The following SLC24A4 variants were observed in gnomAD, a reference collection of about 807,000 sequenced individuals.
SLC24A4 encodes sodium/potassium/calcium exchanger 4.
SLC24A4 carries 53 observed loss-of-function variants against 79.0 expected under a neutral mutation model. That is an observed-to-expected ratio of 0.67 (90% CI 0.54 to 0.84). The LOEUF (loss-of-function observed/expected upper bound fraction) is 0.84, where lower values mean the gene tolerates loss of function less well. Among genes scored for constraint, SLC24A4 ranks in the 40% least tolerant of loss-of-function variants. SLC24A4 has a pLI of 0.00. For synonymous variants in SLC24A4, 323 were observed against 323.8 expected (o/e 1.00, Z 0.03); for missense variants, 731 against 822.0 (o/e 0.89, Z 1.35).
chr14:92,483,809 TGG>T (rs1345385335), intron 13 of SLC24A4: 2 of 1,289,902 alleles, frequency 1.6e-6, no homozygotes, highest in South Asian at 2.5e-5. Context: ...TACACCCTAG[TGG>T]TTAACATCGA....
At chr14:92,435,265 A>G (rs1892103627) in intron 3 of SLC24A4, among the ~76,000 whole-genome samples, 1 of 152,240 alleles carries the variant, frequency 6.6e-6, no homozygotes, top group Non-Finnish European at 1.5e-5. Context: ...AACCTAAGTT[A>G]CAAGTCACTC....
intron 12 of SLC24A4, among the ~76,000 whole-genome samples, chr14:92,481,179 G>A (rs529082562): frequency 6.6e-6 from 1 of 152,204 alleles, no homozygotes; most frequent in Non-Finnish European, 1.5e-5. Flanking sequence ...GCAGTCTCGA[G>A]TCTTTCCTGA....
At chr14:92,450,180 C>T (rs2139833283) in intron 10 of SLC24A4, 1 of 152,456 alleles carries the variant, frequency 6.6e-6, no homozygotes, top group South Asian at 2.1e-4. Flanking sequence ...GGCTAATCAC[C>T]TCCTCTTTTA....
chr14:92,380,614 A>G (rs1888789515), intron 2 of SLC24A4, among the ~76,000 whole-genome samples: 1 of 152,254 alleles, frequency 6.6e-6, no homozygotes, highest in Non-Finnish European at 1.5e-5. Flanking sequence ...CACTGCCTTC[A>G]TGGGACCCTG....
Position 92,501,371 on chromosome 14 carries a change from A to G in SLC24A4, c.*7743A>G, listed in dbSNP as rs961045683. The G allele has an allele frequency of 1.1e-4, 16 of 152,250 alleles. No individual in the cohort carries two copies. Among genetic ancestry groups the G allele is most frequent in the Non-Finnish European group, 1.8e-4 (12 of 68,054 alleles). 9.4% of individuals were successfully genotyped at this position (152,250 alleles called of 1,614,324 possible). On this transcript the variant is annotated 3_prime_UTR_variant, in exon 17 of 17. Transcript: ENST00000532405. ...TGGCATGAGTTTATTTTTATTGTGAAGAAAAAAATCTACAGCAATCTAAAC... is the reference window on the plus strand; with the variant it reads ...TGGCATGAGTTTATTTTTATTGTGAGGAAAAAAATCTACAGCAATCTAAAC...
chr14:92,381,629 A>G (rs1399483159), intron 2 of SLC24A4, among the ~76,000 whole-genome samples: 1 of 152,158 alleles, frequency 6.6e-6, no homozygotes, highest in Non-Finnish European at 1.5e-5. Flanking sequence ...TTAAGGAGAA[A>G]AAAAGAATTT....
At chr14:92,443,508 G>A (rs142784569) in intron 7 of SLC24A4, 34 bp downstream of exon 7, 2 of 1,610,884 alleles carry the variant, frequency 1.2e-6, no homozygotes, top group African/African-American at 1.3e-5. Flanking sequence ...GGTCAGGTTG[G>A]CTGGGACCCT....
intron 2 of SLC24A4, among the ~76,000 whole-genome samples, chr14:92,355,611 T>A (rs1887135881): frequency 6.6e-6 from 1 of 152,170 alleles, no homozygotes; most frequent in Admixed American, 6.5e-5. Context: ...AAGCCAATAT[T>A]TGTCTGGGGA....
rs1280212526 is a variant in SLC24A4, at chr14:92,441,925, G to T, written c.394-164G>T. 6.6e-6 allele frequency among the ~76,000 whole-genome samples: 1 copy of T among 152,190 alleles called. No individual in the cohort carries two copies. The highest frequency in any genetic ancestry group is 1.5e-5 in the Non-Finnish European group (1 of 68,032). The stretch of plus-strand genomic sequence containing the variant: ...CCTGGTGGAGGCTGGAGGGCAGATG[G>T]CAGAGGGCACACAGCATGTGCCCAG... On this transcript the variant is annotated intron_variant, in intron 4 of 16. Coordinates refer to ENST00000532405, the MANE Select transcript of SLC24A4 (RefSeq NM_153646.4). The surrounding 1 kb of genome is among the most constrained non-coding windows in gnomAD (Gnocchi z 4.6).
At position 92,443,439 on chromosome 14, in the gene SLC24A4, G is replaced by A. The variant is rs760520235; in HGVS notation, c.622G>A (p.Val208Met). The A allele has an allele frequency of 2.0e-5, 33 of 1,614,050 alleles. No homozygotes were observed. Among genetic ancestry groups the A allele is most frequent in the Middle Eastern group, 1.6e-4 (1 of 6,084 alleles). The change falls in exon 7 of 17, where the codon GTG becomes ATG. Residue 208 changes from valine (V) to methionine (M), a missense_variant. Val to Met is a conservative substitution (Grantham distance 21). Transcript: ENST00000532405. ...GTGGTGGGCCGTGTGCCGAGACTCCGTGTACTACACCATCTCTGTCATCGT... is the reference window on the plus strand; with the variant it reads ...GTGGTGGGCCGTGTGCCGAGACTCCATGTACTACACCATCTCTGTCATCGT... Reference protein sequence around the residue: ...LTWWAVCRDSVYYTISVIVLI... With the variant: ...LTWWAVCRDSMYYTISVIVLI...
chr14:92,500,409 C>T lies in SLC24A4; in HGVS notation c.*6781C>T, dbSNP rs1896116004. On this transcript the variant is annotated 3_prime_UTR_variant, in exon 17 of 17. Transcript: ENST00000532405. ...CTACACAGAATTTCCCAAGTCCATTCAGGACAGACGCGCAGTCCTCTTTCA... is the reference window on the plus strand; with the variant it reads ...CTACACAGAATTTCCCAAGTCCATTTAGGACAGACGCGCAGTCCTCTTTCA... 1.3e-5 allele frequency: 2 copies of T among 152,252 alleles called. No homozygotes were observed. The highest frequency in any genetic ancestry group is 6.5e-5 in the Admixed American group (1 of 15,286). The allele number at this position is 152,252 out of a possible 1,614,324, so 9.4% of individuals were successfully genotyped here. A position where few individuals can be genotyped will look rare whatever the true frequency, so the allele number is the denominator to read the frequency against.
chr14:92,351,250 A>G (rs1156796053), intron 2 of SLC24A4, among the ~76,000 whole-genome samples: 2 of 151,940 alleles, frequency 1.3e-5, no homozygotes, highest in Non-Finnish European at 2.9e-5. Context: ...ACACACACAC[A>G]CACACACAAA....
At chr14:92,454,181 C>G (rs1893324137) in intron 11 of SLC24A4, 112 bp downstream of exon 11, 13 of 1,156,862 alleles carry the variant, frequency 1.1e-5, no homozygotes, top group Non-Finnish European at 1.6e-5. Context: ...AGGAAGGATG[C>G]CCTGGGGCCT....
chr14:92,455,803 C>T (rs780173997), intron 11 of SLC24A4, among the ~76,000 whole-genome samples: 4 of 151,968 alleles, frequency 2.6e-5, no homozygotes, highest in East Asian at 1.9e-4. Flanking sequence ...CGGGTTCAAG[C>T]GATTCTCCTG....
At chr14:92,370,364 G>C (rs1330352118) in intron 2 of SLC24A4, among the ~76,000 whole-genome samples, 2 of 152,156 alleles carry the variant, frequency 1.3e-5, no homozygotes, top group African/African-American at 2.4e-5. Context: ...GGAAGATGGA[G>C]ATCATAATTT....
At position 92,497,279 on chromosome 14, in the gene SLC24A4, C is replaced by T. The variant is rs368131013; in HGVS notation, c.*3651C>T. 6.6e-6 allele frequency: 1 copy of T among 152,236 alleles called. No homozygotes were observed. The highest frequency in any genetic ancestry group is 2.4e-5 in the African/African-American group (1 of 41,440). 9.4% of individuals were successfully genotyped at this position (152,236 alleles called of 1,614,324 possible). On this transcript the variant is annotated 3_prime_UTR_variant, in exon 17 of 17. Coordinates refer to ENST00000532405, the MANE Select transcript of SLC24A4 (RefSeq NM_153646.4). ...AGTCCTACAGACCCTGACCAAAGGC[C>T]GTTCCTGGGCGGCCCAAGGTCCAGG...
chr14:92,411,987 A>T (rs1433427285), intron 2 of SLC24A4, among the ~76,000 whole-genome samples: 1 of 151,972 alleles, frequency 6.6e-6, no homozygotes, highest in Non-Finnish European at 1.5e-5. Context: ...ATGAGAGGTG[A>T]TCAGCTCCTG....
chr14:92,365,470 G>A (rs1345782592), intron 2 of SLC24A4, among the ~76,000 whole-genome samples: 1 of 152,198 alleles, frequency 6.6e-6, no homozygotes, highest in Non-Finnish European at 1.5e-5. Flanking sequence ...AATCCCCGGG[G>A]ACCGACCTCA....
At position 92,374,990 on chromosome 14, in the gene SLC24A4, A is replaced by T. The variant is rs778612576; in HGVS notation, c.241+49012A>T. Among the ~76,000 whole-genome samples the T allele has an allele frequency of 4.6e-5, 7 of 152,184 alleles. No homozygotes were observed. The East Asian group carries it at 1.3e-3, about 29-fold the overall frequency. Reference sequence around the variant, plus strand: ...GGCGGCCTGCAAAATTATAACAATAACCTAGATCTGGTTAGAAACGAGGCT... The same window carrying T: ...GGCGGCCTGCAAAATTATAACAATATCCTAGATCTGGTTAGAAACGAGGCT... On this transcript the variant is annotated intron_variant, in intron 2 of 16. Transcript: ENST00000532405.
Sources: gnomAD v4.1 joint callset for allele counts (sites outside exome capture counted in the v4.1 genomes callset) on GRCh38, gnomAD v4.1.1 for gene constraint, Gnocchi (gnomAD v3.1) non-coding constraint, MANE v1.5 for transcripts, NCBI Gene and HGNC (gene_info 2026-07-23, HGNC 2026-07-21) for gene names.